CNTN5: variants seen among roughly 807,000 people sequenced by gnomAD.
CNTN5 encodes the protein contactin 5.
A neutral mutation model predicts 129.1 loss-of-function variants in CNTN5; 77 were observed. The ratio of observed to expected loss-of-function variants is 0.60; its 90% CI spans 0.50 to 0.72. The LOEUF (loss-of-function observed/expected upper bound fraction) is 0.72. Ranked by LOEUF, CNTN5 falls within the 30% of genes least tolerant of loss-of-function variation. CNTN5 has a pLI of 0.00. For missense variants in CNTN5, 1,478 were observed against 1,328.8 expected, an observed-to-expected ratio of 1.11 and a Z score of -1.75; for synonymous variants, 509 against 465.6, an observed-to-expected ratio of 1.09 and a Z score of -1.20.
rs1952541685 is a variant in CNTN5 at position 100,357,093 on chromosome 11, G to T, written c.*873G>T. The stretch of plus-strand genomic sequence containing the variant: ...GAGCGTTTCCATTTCTTTACCTACT[G>T]CCAAAACAGATGTTGAATTAGGTCC... On this transcript the variant is annotated 3_prime_UTR_variant, in exon 25 of 25. Transcript: ENST00000524871. 6.6e-6 allele frequency: 1 copy of T among 151,648 alleles called. No individual in the cohort carries two copies. Among genetic ancestry groups the T allele is most frequent in the African/African-American group, 2.4e-5 (1 of 41,356 alleles). The allele number at this position is 151,648 out of a possible 1,614,324, so 9.4% of individuals were successfully genotyped here.
chr11:99,942,852 T>G lies in CNTN5; in HGVS notation c.674-13954T>G, dbSNP rs141420994. On this transcript the variant is annotated intron_variant, in intron 7 of 24. Coordinates refer to ENST00000524871, the MANE Select transcript of CNTN5 (RefSeq NM_014361.4). ...TTCATCCATGTCCCTACAAAGGACA[T>G]GAACTCATTCTTTTTTATGGCTGCA... Among the ~76,000 whole-genome samples the G allele has an allele frequency of 4.9e-3, 749 of 152,210 alleles. 2 individuals carry two copies. Among genetic ancestry groups the G allele is most frequent in the African/African-American group, 0.016 (666 of 41,566 alleles).
At chr11:99,056,270 A>G (rs1400822962) in intron 1 of CNTN5, among the ~76,000 whole-genome samples, 6 of 152,034 alleles carry the variant, frequency 3.9e-5, no homozygotes, top group Non-Finnish European at 8.8e-5. Context: ...CGCAATCATA[A>G]CCAGTGGAAA....
chr11:100,102,384 A>C lies in CNTN5; in HGVS notation c.1580+28090A>C, dbSNP rs192746282. Among the ~76,000 whole-genome samples, 19 of 152,076 alleles carry C rather than the reference A, an allele frequency of 1.2e-4. No individual in the cohort carries two copies. In the East Asian group the frequency reaches 3.5e-3, roughly 28 times the overall value. On this transcript the variant is annotated intron_variant, in intron 13 of 24. Transcript: ENST00000524871. ...ATCTTCTTTTGAGAATTGTCTATTCATGTTCTTCACCCACTTTTTGATGGG... is the reference window on the plus strand; with the variant it reads ...ATCTTCTTTTGAGAATTGTCTATTCCTGTTCTTCACCCACTTTTTGATGGG...
At position 99,261,482 on chromosome 11, in the gene CNTN5, GA is replaced by G. The variant is rs113405095; in HGVS notation, c.-209-63860del. ...GTGTTTTGTTTATCTATATTTAACT[GA>G]AAACTGTCAGTAACCTCCAAAATAA... On this transcript the variant is annotated intron_variant, in intron 1 of 24. Transcript: ENST00000524871. Among the ~76,000 whole-genome samples, 508 of 152,070 alleles carry G rather than the reference GA, an allele frequency of 3.3e-3. 2 individuals are homozygous for G. The highest frequency in any genetic ancestry group is 0.012 in the African/African-American group (488 of 41,524).
chr11:100,219,919 G>A (rs937752351), intron 15 of CNTN5, among the ~76,000 whole-genome samples: 2 of 152,054 alleles, frequency 1.3e-5, no homozygotes, highest in Non-Finnish European at 2.9e-5. Flanking sequence ...TATTCTATGA[G>A]TAGTAAAGAA....
chr11:99,854,516 A>G (rs542052212), intron 6 of CNTN5, among the ~76,000 whole-genome samples: 25 of 152,164 alleles, frequency 1.6e-4, no homozygotes, highest in South Asian at 8.3e-4. Flanking sequence ...TTGTAAGTGA[A>G]TGAATAGGTG....
chr11:100,197,827 C>CT (rs1387500469), intron 15 of CNTN5, among the ~76,000 whole-genome samples: 1 of 151,962 alleles, frequency 6.6e-6, no homozygotes, highest in African/African-American at 2.4e-5. Flanking sequence ...GAATGGTCCA[C>CT]TAGAGAAGAA....
chr11:99,718,590 A>G lies in CNTN5; in HGVS notation c.56-100954A>G, dbSNP rs144239297. ...AAGGAAAAACTGAAAGACAGTTTAA[A>G]GGAAAAATAAACTATGTTAGGAGCA... On this transcript the variant is annotated intron_variant, in intron 3 of 24. Transcript: ENST00000524871. Among the ~76,000 whole-genome samples the G allele has an allele frequency of 4.4e-3, 670 of 152,292 alleles. 3 individuals are homozygous for G. The highest frequency in any genetic ancestry group is 0.015 in the African/African-American group (638 of 41,572).
chr11:99,704,617 C>A (rs1234113521), intron 3 of CNTN5, among the ~76,000 whole-genome samples: 1 of 151,046 alleles, frequency 6.6e-6, no homozygotes, highest in Non-Finnish European at 1.5e-5. Context: ...ATCTCAAATA[C>A]ATATTAATCA....
intron 2 of CNTN5, among the ~76,000 whole-genome samples, chr11:99,426,618 A>T (rs1275632613): frequency 1.3e-5 from 2 of 152,200 alleles, no homozygotes; most frequent in Admixed American, 1.3e-4. Context: ...GTCTTGTATC[A>T]GTGCCTTTGA....
chr11:99,666,560 T>A (rs149581877), intron 3 of CNTN5, among the ~76,000 whole-genome samples: 9 of 152,274 alleles, frequency 5.9e-5, no homozygotes, highest in Admixed American at 4.6e-4. Flanking sequence ...TTCACAAAAT[T>A]CATGCTACCA....
chr11:99,761,232 G>A (rs1357079247), intron 3 of CNTN5, among the ~76,000 whole-genome samples: 1 of 151,656 alleles, frequency 6.6e-6, no homozygotes, highest in Admixed American at 6.6e-5. Context: ...AAATCTTCAG[G>A]TAAAGTTTCT....
intron 13 of CNTN5, among the ~76,000 whole-genome samples, chr11:100,134,094 C>G (rs1565273478): frequency 2.6e-5 from 4 of 152,004 alleles, no homozygotes; most frequent in African/African-American, 9.7e-5. Flanking sequence ...CTTTAAACTC[C>G]TTAAATATAT....
intron 15 of CNTN5, among the ~76,000 whole-genome samples, chr11:100,202,940 GCA>G (rs1244218488): frequency 6.6e-6 from 1 of 151,968 alleles, no homozygotes; most frequent in Non-Finnish European, 1.5e-5. Context: ...CTGTTGTAAA[GCA>G]CAGAGAGAAC....
At chr11:99,446,273 A>G (rs1032644021) in intron 2 of CNTN5, among the ~76,000 whole-genome samples, 2 of 151,994 alleles carry the variant, frequency 1.3e-5, no homozygotes, top group African/African-American at 2.4e-5. Context: ...CTTGGTGCAC[A>G]TTATTTTCTT....
intron 1 of CNTN5, among the ~76,000 whole-genome samples, chr11:99,064,930 A>T (rs11218280): frequency 6.6e-6 from 1 of 151,674 alleles, no homozygotes. Flanking sequence ...ATGTTAATTT[A>T]GTAATATTAA....
intron 2 of CNTN5, among the ~76,000 whole-genome samples, chr11:99,466,336 G>T (rs1024668077): frequency 6.6e-6 from 1 of 152,112 alleles, no homozygotes; most frequent in African/African-American, 2.4e-5. Context: ...TTTGGGAGGG[G>T]ACACAAATCC....
chr11:100,206,576 G>C (rs1948916748), intron 15 of CNTN5, among the ~76,000 whole-genome samples: 1 of 152,062 alleles, frequency 6.6e-6, no homozygotes, highest in Admixed American at 6.6e-5. Flanking sequence ...GAAGCTTTCT[G>C]TGGTATAGAT....
chr11:99,992,581 A>AGC (rs2137421556), intron 8 of CNTN5, among the ~76,000 whole-genome samples: 1 of 152,294 alleles, frequency 6.6e-6, no homozygotes, highest in East Asian at 1.9e-4. Context: ...TCATAGCCCT[A>AGC]CCTTCAAAAA....
Sources: gnomAD v4.1 joint callset for allele counts (sites outside exome capture counted in the v4.1 genomes callset) on GRCh38, gnomAD v4.1.1 for gene constraint, MANE v1.5 for transcripts, NCBI Gene and HGNC (gene_info 2026-07-23, HGNC 2026-07-21) for gene names.